Variants in SMCHD1 observed in about 807,000 individuals in gnomAD.
The protein encoded by SMCHD1 is structural maintenance of chromosomes flexible hinge domain-containing protein 1.
SMCHD1 carries 78 observed loss-of-function variants against 254.7 expected under a neutral mutation model. That is an observed-to-expected ratio of 0.31 (90% CI 0.26 to 0.37). The LOEUF (loss-of-function observed/expected upper bound fraction) is 0.37. Ranked by LOEUF, SMCHD1 falls within the 10% of genes least tolerant of loss-of-function variation. SMCHD1 has a pLI of 1.00. For synonymous variants in SMCHD1, 766 were observed against 794.9 expected (o/e 0.96, Z 0.61); for missense variants, 1,840 against 2,408.1 (o/e 0.76, Z 4.94).
chr18:2,755,996 A>G (rs1482951763), intron 34 of SMCHD1, among the ~76,000 whole-genome samples: 1 of 152,168 alleles, frequency 6.6e-6, no homozygotes, highest in African/African-American at 2.4e-5. Flanking sequence ...TTCCACCACT[A>G]AGTGTGATGT....
intron 7 of SMCHD1, among the ~76,000 whole-genome samples, chr18:2,690,203 A>C (rs1867212745): frequency 6.6e-6 from 1 of 152,144 alleles, no homozygotes; most frequent in Non-Finnish European, 1.5e-5. Flanking sequence ...TATATACTTA[A>C]TAGTTTTGAT....
intron 1 of SMCHD1, among the ~76,000 whole-genome samples, chr18:2,656,859 T>G (rs1200364814): frequency 6.6e-6 from 1 of 152,218 alleles, no homozygotes; most frequent in Non-Finnish European, 1.5e-5. Flanking sequence ...AGAGCTGGCC[T>G]TCTGCCTGTC....
chr18:2,658,112 G>A (rs1227295949), intron 1 of SMCHD1, among the ~76,000 whole-genome samples: 1 of 152,178 alleles, frequency 6.6e-6, no homozygotes, highest in African/African-American at 2.4e-5. Context: ...ATACATAGCC[G>A]TTTATGTCTT....
chr18:2,740,285 A>G (rs1447459458), intron 27 of SMCHD1, among the ~76,000 whole-genome samples: 1 of 152,186 alleles, frequency 6.6e-6, no homozygotes, highest in Non-Finnish European at 1.5e-5. Flanking sequence ...ATGGCTGCAT[A>G]GTATTCCATG....
chr18:2,752,365 A>G (rs771010768), intron 33 of SMCHD1, 123 bp from the exon 34 acceptor site: 101 of 687,094 alleles, frequency 1.5e-4, no homozygotes, highest in Non-Finnish European at 2.5e-4. Flanking sequence ...ATATACCTGT[A>G]TGTTTATAAA....
intron 5 of SMCHD1, among the ~76,000 whole-genome samples, chr18:2,680,666 C>G (rs375851202): frequency 7.2e-5 from 11 of 152,140 alleles, no homozygotes; most frequent in African/African-American, 2.7e-4. Context: ...TGGAAATGAC[C>G]TAATTATTGA....
rs1487328985 is a variant in SMCHD1 at position 2,656,123 on chromosome 18, T to G, written c.48T>G (p.Thr16=). ...GGGPGGASVG[T]EEDGGGVGHR... ...GGCCTGGTGGGGCCTCTGTGGGGAC[T>G]GAGGAGGATGGCGGAGGCGTCGGCC... The change falls in exon 1 of 48, where the codon ACT becomes ACG. Residue 16 remains threonine, a synonymous_variant. Coordinates refer to ENST00000320876, the MANE Select transcript of SMCHD1 (RefSeq NM_015295.3). The G allele has an allele frequency of 6.8e-7, 1 of 1,479,920 alleles. No homozygotes were observed. The highest frequency in any genetic ancestry group is 9.0e-7 in the Non-Finnish European group (1 of 1,116,872). The allele number at this position is 1,479,920 out of a possible 1,614,324, so 91.7% of individuals were successfully genotyped here. A position where few individuals can be genotyped will look rare whatever the true frequency, so the allele number is the denominator to read the frequency against.
At chr18:2,683,013 A>G (rs1170863474) in intron 5 of SMCHD1, among the ~76,000 whole-genome samples, 2 of 152,184 alleles carry the variant, frequency 1.3e-5, no homozygotes, top group Non-Finnish European at 2.9e-5. Context: ...TTAAGTTGAA[A>G]AAGGGATTTA....
chr18:2,756,652 G>C (rs2075685311), intron 34 of SMCHD1, among the ~76,000 whole-genome samples: 1 of 152,024 alleles, frequency 6.6e-6, no homozygotes. Context: ...CTGGAGTGCA[G>C]TGGCATGATC....
Position 2,688,694 on chromosome 18 carries a change from A to G in SMCHD1, c.820A>G (p.Lys274Glu). The G allele has an allele frequency of 6.5e-7, 1 of 1,529,064 alleles. No homozygotes were observed. Among genetic ancestry groups the G allele is most frequent in the Non-Finnish European group, 8.9e-7 (1 of 1,124,334 alleles). 94.7% of individuals were successfully genotyped at this position (1,529,064 alleles called of 1,614,324 possible). A position where few individuals can be genotyped will look rare whatever the true frequency, so the allele number is the denominator to read the frequency against. The change falls in exon 7 of 48, where the codon AAG (lysine) becomes GAG (glutamate). Residue 274 changes from lysine (K) to glutamate (E), a missense_variant. Lys to Glu is a moderately conservative substitution (Grantham distance 56, BLOSUM62 1). Transcript: ENST00000320876. The part of the protein sequence containing the change: ...ELVLSKEDFE[K>E]KEKNKEAIYS... Reference sequence around the variant, plus strand: ...TGTGCTTTCTAAAGAAGATTTTGAGAAGAAGGAGAAAAATAAAGAGGCAAT... The same window carrying G: ...TGTGCTTTCTAAAGAAGATTTTGAGGAGAAGGAGAAAAATAAAGAGGCAAT...
intron 47 of SMCHD1, 91 bp from the exon 48 acceptor site, chr18:2,802,437 T>C (rs2076380701): frequency 1.1e-6 from 1 of 888,918 alleles, no homozygotes. Flanking sequence ...TATGGTTTCA[T>C]TGGATATTTA....
At chr18:2,678,114 C>T (rs757746585) in intron 5 of SMCHD1, among the ~76,000 whole-genome samples, 3 of 152,162 alleles carry the variant, frequency 2.0e-5, no homozygotes, top group Non-Finnish European at 4.4e-5. Flanking sequence ...CATTATAGCC[C>T]TGTTACTAGA....
intron 45 of SMCHD1, among the ~76,000 whole-genome samples, chr18:2,785,376 C>T (rs62077714): frequency 0.19 from 29,423 of 151,980 alleles, 3,091 homozygotes; most frequent in Admixed American, 0.26. Flanking sequence ...TGGCCGGGCT[C>T]GATGGCTCAC....
chr18:2,776,883 G>A (rs1319822808), intron 42 of SMCHD1, among the ~76,000 whole-genome samples: 1 of 152,150 alleles, frequency 6.6e-6, no homozygotes, highest in Non-Finnish European at 1.5e-5. Flanking sequence ...TAGTTACTAT[G>A]TTGATAAGGG....
At chr18:2,720,721 C>G (rs1337375199) in intron 19 of SMCHD1, among the ~76,000 whole-genome samples, 1 of 152,122 alleles carries the variant, frequency 6.6e-6, no homozygotes, top group African/African-American at 2.4e-5. Context: ...TATAATTTTC[C>G]ACGTGATTTT....
intron 37 of SMCHD1, among the ~76,000 whole-genome samples, chr18:2,768,451 T>C (rs553495965): frequency 1.1e-4 from 16 of 152,212 alleles, no homozygotes; most frequent in African/African-American, 3.9e-4. Context: ...AATTTGATAC[T>C]TACCTTTTAA....
chr18:2,707,680 T>C (rs2074550437), intron 16 of SMCHD1, 35 bp downstream of exon 16: 1 of 1,508,190 alleles, frequency 6.6e-7, no homozygotes, highest in South Asian at 1.2e-5. Flanking sequence ...CCAAAAAGTG[T>C]GCTTTTCTTT....
chr18:2,696,268 A>C (rs2074283273), intron 8 of SMCHD1, among the ~76,000 whole-genome samples: 1 of 152,120 alleles, frequency 6.6e-6, no homozygotes, highest in African/African-American at 2.4e-5. Flanking sequence ...GGGGTCCCCA[A>C]CGCCCCGGTC....
rs2075942421 is a variant in SMCHD1, at chr18:2,769,783, C to A, written c.4809C>A (p.Thr1603=). The change falls in exon 38 of 48, where the codon ACC becomes ACA. Residue 1603 remains threonine (T), a synonymous_variant. Coordinates refer to ENST00000320876, the MANE Select transcript of SMCHD1 (RefSeq NM_015295.3). ...CCCGGCTACCACTTTTATCAAGAACCTTAGAACCATATATCCTACCGTTCA... is the reference window on the plus strand; with the variant it reads ...CCCGGCTACCACTTTTATCAAGAACATTAGAACCATATATCCTACCGTTCA... ...FEPRLPLLSR[T]LEPYILPFMF... is the part of the protein sequence containing the mutation. 1 of 1,604,944 alleles carries A rather than the reference C, an allele frequency of 6.2e-7. No homozygotes were observed. The highest frequency in any genetic ancestry group is 1.3e-5 in the African/African-American group (1 of 74,794).
Sources: allele counts gnomAD v4.1 joint callset (sites outside exome capture counted in the v4.1 genomes callset), GRCh38; gene constraint gnomAD v4.1.1; transcripts MANE v1.5; gene names NCBI Gene and HGNC (gene_info 2026-07-23, HGNC 2026-07-21).